PRP4K: variants seen among roughly 807,000 people sequenced by gnomAD.
PRP4K encodes pre-mRNA processing factor kinase PRP4K.
At chr6:4,023,040 T>A in the PRP4K span, among the ~76,000 whole-genome samples, 3 of 152,208 alleles carry the variant, frequency 2.0e-5, no homozygotes, top group Admixed American at 1.3e-4. Context: ...ATCTTTAATT[T>A]CCCTTCCCTT....
chr6:4,022,793 G>A, the PRP4K span, among the ~76,000 whole-genome samples: 1 of 152,120 alleles, frequency 6.6e-6, no homozygotes, highest in Non-Finnish European at 1.5e-5. Flanking sequence ...TCATTGTGTG[G>A]CACAATTACA....
At chr6:4,044,941 C>T in the PRP4K span, among the ~76,000 whole-genome samples, 1 of 151,286 alleles carries the variant, frequency 6.6e-6, no homozygotes, top group Non-Finnish European at 1.5e-5. Flanking sequence ...CAGCTCACTG[C>T]AAGCTCCGCG....
At chr6:4,026,315 T>C in the PRP4K span, among the ~76,000 whole-genome samples, 1 of 150,238 alleles carries the variant, frequency 6.7e-6, no homozygotes, top group Non-Finnish European at 1.5e-5. Flanking sequence ...TTTTTTTTTT[T>C]TTTTGGAGAC....
At chr6:4,022,644 T>G in the PRP4K span, among the ~76,000 whole-genome samples, 1 of 152,182 alleles carries the variant, frequency 6.6e-6, no homozygotes, top group Non-Finnish European at 1.5e-5. Flanking sequence ...TCTGCATTAC[T>G]CAGCTAGGCA....
the PRP4K span, among the ~76,000 whole-genome samples, chr6:4,047,433 A>G: frequency 2.6e-5 from 4 of 152,256 alleles, no homozygotes; most frequent in Non-Finnish European, 5.9e-5. Flanking sequence ...AAAAATTTTA[A>G]GACAGGTATG....
chr6:4,049,627 A>T, the PRP4K span: 1 of 1,172,614 alleles, frequency 8.5e-7, no homozygotes, highest in Non-Finnish European at 1.2e-6. Flanking sequence ...TAGGAAACCA[A>T]ATAGTAGAGA....
the PRP4K span, among the ~76,000 whole-genome samples, chr6:4,048,210 C>G: frequency 6.6e-6 from 1 of 150,980 alleles, no homozygotes; most frequent in East Asian, 1.9e-4. Flanking sequence ...AACCCCATCT[C>G]TACTAAAAAT....
the PRP4K span, chr6:4,056,535 C>T: frequency 3.7e-6 from 6 of 1,604,016 alleles, no homozygotes; most frequent in Non-Finnish European, 3.4e-6. Flanking sequence ...AGCAGCTGCA[C>T]GAGTTCATTC....
the PRP4K span, among the ~76,000 whole-genome samples, chr6:4,041,994 G>C: frequency 6.6e-6 from 1 of 152,266 alleles, no homozygotes; most frequent in East Asian, 1.9e-4. Flanking sequence ...CGGAGGGTTG[G>C]GGGCAGTGTT....
chr6:4,027,666 T>G, the PRP4K span, among the ~76,000 whole-genome samples: 1 of 150,650 alleles, frequency 6.6e-6, no homozygotes, highest in Non-Finnish European at 1.5e-5. Context: ...CTATTCACTG[T>G]GTAAACTTCA....
the PRP4K span, among the ~76,000 whole-genome samples, chr6:4,027,592 C>A: frequency 1.3e-4 from 1 of 7,904 alleles, no homozygotes; most frequent in Non-Finnish European, 3.2e-4. Flanking sequence ...GCTTATTTGG[C>A]GGAGGGGTGG....
chr6:4,041,604 C>CA, the PRP4K span, among the ~76,000 whole-genome samples: 1 of 152,080 alleles, frequency 6.6e-6, no homozygotes, highest in Non-Finnish European at 1.5e-5. Flanking sequence ...TGGAATATCT[C>CA]AAAAATAAAT....
At chr6:4,059,759 C>T in the PRP4K span, among the ~76,000 whole-genome samples, 9 of 152,166 alleles carry the variant, frequency 5.9e-5, no homozygotes, top group Non-Finnish European at 1.3e-4. Flanking sequence ...AATTCTCATG[C>T]CTCAGCCTCC....
the PRP4K span, chr6:4,060,593 G>A: frequency 1.0e-4 from 166 of 1,612,830 alleles, no homozygotes; most frequent in Non-Finnish European, 1.3e-4. This position sits in a 1 kb window ranked among gnomAD's most constrained non-coding sequence, Gnocchi z 4.7. Flanking sequence ...CCTACAGCAC[G>A]CCTTCATCCA....
chr6:4,062,017 A>G, the PRP4K span: 1 of 152,664 alleles, frequency 6.6e-6, no homozygotes, highest in Admixed American at 6.5e-5. The surrounding 1 kb of genome is among the most constrained non-coding windows in gnomAD (Gnocchi z 4.2). Flanking sequence ...AATTGAAAGT[A>G]TTATTAGTTA....
the PRP4K span, among the ~76,000 whole-genome samples, chr6:4,040,392 C>T: frequency 1.3e-5 from 2 of 152,202 alleles, no homozygotes; most frequent in African/African-American, 4.8e-5. Flanking sequence ...TCTCTCCCTT[C>T]ACTCCAGTGC....
the PRP4K span, chr6:4,061,224 C>T: frequency 4.6e-5 from 7 of 152,922 alleles, no homozygotes; most frequent in Non-Finnish European, 8.8e-5. Flanking sequence ...GGGATGTTAG[C>T]TTTGTGGCAG....
chr6:4,057,779 G>A, the PRP4K span, among the ~76,000 whole-genome samples: 1 of 131,476 alleles, frequency 7.6e-6, no homozygotes, highest in African/African-American at 2.8e-5. Flanking sequence ...TTTTGAGACG[G>A]AGTCTTGCTT....
At chr6:4,022,205 G>A in the PRP4K span, among the ~76,000 whole-genome samples, 1 of 133,874 alleles carries the variant, frequency 7.5e-6, no homozygotes, top group African/African-American at 2.8e-5. Flanking sequence ...TCTTTAGGAG[G>A]ACGAGTGGAA....
Sources: allele counts gnomAD v4.1 joint callset (sites outside exome capture counted in the v4.1 genomes callset), GRCh38; gene constraint gnomAD v4.1.1; non-coding constraint Gnocchi (gnomAD v3.1); transcripts MANE v1.5; gene names NCBI Gene and HGNC (gene_info 2026-07-23, HGNC 2026-07-21).